Variants in RIMBP2 observed in about 807,000 individuals in gnomAD.
RIMBP2 encodes RIMS binding protein 2.
Under a neutral mutation model 118.6 loss-of-function variants are expected in RIMBP2, and 48 were observed. The ratio of observed to expected loss-of-function variants is 0.40; its 90% CI spans 0.32 to 0.51. The LOEUF is 0.51. RIMBP2 is among the 20% of genes least tolerant of loss of function. The probability of loss-of-function intolerance (pLI) is 0.41; values close to 1 mark genes in which losing one functional copy is unlikely to be tolerated. For missense variants in RIMBP2, 1,551 were observed against 1,768.3 expected, an observed-to-expected ratio of 0.88 and a Z score of 2.20; for synonymous variants, 762 against 742.9, an observed-to-expected ratio of 1.03 and a Z score of -0.42.
chr12:130,438,581 G>A, intron 11 of RIMBP2, 65 bp from the exon 12 acceptor site: 1 of 1,413,222 alleles, frequency 7.1e-7, no homozygotes, highest in Non-Finnish European at 9.5e-7. Context: ...GCCGTGACTG[G>A]GCTCTGCCCA....
chr12:130,563,267 A>G (rs906557165), intron 2 of RIMBP2, among the ~76,000 whole-genome samples: 2 of 152,160 alleles, frequency 1.3e-5, no homozygotes, highest in African/African-American at 4.8e-5. Flanking sequence ...GACACTTGAA[A>G]CGCGTTCTTA....
In RIMBP2 at chr12:130,648,658, CTT is replaced by C. The variant is rs575247641; in HGVS notation, c.-351-20204_-351-20203del. On this transcript the variant is annotated intron_variant, in intron 1 of 22. Coordinates refer to ENST00000690449, the MANE Select transcript of RIMBP2 (RefSeq NM_001393629.1). The stretch of plus-strand genomic sequence containing the variant: ...GTTAAAAACTATCTAAAATTAGTAT[CTT>C]TTTTTTTTTTTTTGAGACGGAGTTT... Among the ~76,000 whole-genome samples the C allele has an allele frequency of 4.3e-4, 57 of 132,508 alleles. 4 individuals carry two copies. Among genetic ancestry groups the C allele is most frequent in the African/African-American group, 9.8e-4 (37 of 37,714 alleles). The allele number at this position is 132,508 out of a possible 152,430, so 86.9% of individuals were successfully genotyped here.
chr12:130,699,832 G>T lies in RIMBP2; in HGVS notation c.-352+16390C>A, dbSNP rs140591198. The stretch of plus-strand genomic sequence containing the variant: ...GAGGCAGGAGAATCACTTGAACTGG[G>T]AGGCAGAAGTTGCAGTGAGCCGAGA... On this transcript the variant is annotated intron_variant, in intron 1 of 22. Coordinates refer to ENST00000690449, the MANE Select transcript of RIMBP2 (RefSeq NM_001393629.1). 9.6e-3 allele frequency among the ~76,000 whole-genome samples: 1,427 copies of T among 148,942 alleles called. 22 individuals carry two copies. The highest frequency in any genetic ancestry group is 0.033 in the African/African-American group (1,351 of 40,636).
Position 130,456,552 on chromosome 12 carries a change from G to A in RIMBP2, c.302C>T (p.Ala101Val), listed in dbSNP as rs375970581. The A allele has an allele frequency of 2.7e-5, 43 of 1,611,242 alleles. No homozygotes were observed. Among genetic ancestry groups the A allele is most frequent in the Non-Finnish European group, 3.5e-5 (41 of 1,178,008 alleles). The change falls in exon 7 of 23, where the codon GCC (alanine) becomes GTC (valine). Residue 101 changes from alanine (A) to valine (V), a missense_variant. Physicochemically the swap from Ala to Val is moderately conservative, Grantham distance 64. Around this residue, in one of 5 missense-constraint regions of RIMBP2, gnomAD observed 239 missense variants for 256.8 expected, o/e 0.93. Transcript: ENST00000690449. ...SAVAPLDIST[A>V]PSKPFPQFMN... Reference sequence around the variant, plus strand: ...GAACTGTGGGAAAGGCTTGCTGGGGGCCGTGGAGATGTCCAGGGGGGCCAC... The same window carrying A: ...GAACTGTGGGAAAGGCTTGCTGGGGACCGTGGAGATGTCCAGGGGGGCCAC...
At chr12:130,459,645 A>C (rs1446788265) in intron 6 of RIMBP2, among the ~76,000 whole-genome samples, 1 of 152,116 alleles carries the variant, frequency 6.6e-6, no homozygotes, top group Non-Finnish European at 1.5e-5. Flanking sequence ...TGCATCTGAT[A>C]CACACCTGCC....
At chr12:130,532,156 C>T (rs1162308502) in intron 2 of RIMBP2, among the ~76,000 whole-genome samples, 7 of 148,420 alleles carry the variant, frequency 4.7e-5, no homozygotes, top group Admixed American at 3.4e-4. Flanking sequence ...TAATGAGATG[C>T]GTGTGTTTAG....
At position 130,494,637 on chromosome 12, in the gene RIMBP2, T is replaced by A. The variant is rs1197796631; in HGVS notation, c.-4+12011A>T. Among the ~76,000 whole-genome samples, 4 of 77,860 alleles carry A rather than the reference T, an allele frequency of 5.1e-5. No homozygotes were observed. The East Asian group carries it at 5.0e-3, about 97-fold the overall frequency. 51.1% of individuals were successfully genotyped at this position (77,860 alleles called of 152,430 possible). Reference sequence around the variant, plus strand: ...CTGGGCAACAGAGTGAAACCCTGTCTCAAAAAAAAAAAAAGAAAGAAAAGA... The same window carrying A: ...CTGGGCAACAGAGTGAAACCCTGTCACAAAAAAAAAAAAAGAAAGAAAAGA... On this transcript the variant is annotated intron_variant, in intron 4 of 22. Coordinates refer to ENST00000690449, the MANE Select transcript of RIMBP2 (RefSeq NM_001393629.1).
intron 1 of RIMBP2, among the ~76,000 whole-genome samples, chr12:130,712,197 C>T (rs1041715224): frequency 7.2e-5 from 11 of 152,168 alleles, no homozygotes; most frequent in Non-Finnish European, 1.2e-4. Context: ...GTTTAGACTA[C>T]GCTAAATTTA....
chr12:130,703,295 C>T lies in RIMBP2; in HGVS notation c.-352+12927G>A, dbSNP rs1312974630. 6.6e-6 allele frequency among the ~76,000 whole-genome samples: 1 copy of T among 152,176 alleles called. No homozygotes were observed. The highest frequency in any genetic ancestry group is 1.5e-5 in the Non-Finnish European group (1 of 68,026). ...AGGCGGGCTCCCCCTCCGCCCTGGA[C>T]ATTTTCAGTTTCCTGCACTTATTAT... On this transcript the variant is annotated intron_variant, in intron 1 of 22. Coordinates refer to ENST00000690449, the MANE Select transcript of RIMBP2 (RefSeq NM_001393629.1). This position sits in a 1 kb window ranked among gnomAD's most constrained non-coding sequence, Gnocchi z 5.7.
chr12:130,514,735 C>T (rs1259929298), intron 3 of RIMBP2, among the ~76,000 whole-genome samples: 1 of 152,126 alleles, frequency 6.6e-6, no homozygotes, highest in Non-Finnish European at 1.5e-5. Context: ...TACTCCTGTC[C>T]TAAGAAAGTC....
chr12:130,698,554 A>G (rs2065683811), intron 1 of RIMBP2, among the ~76,000 whole-genome samples: 1 of 152,210 alleles, frequency 6.6e-6, no homozygotes, highest in African/African-American at 2.4e-5. Context: ...TCAGCAGTTC[A>G]AGACCAGCCT....
intron 1 of RIMBP2, among the ~76,000 whole-genome samples, chr12:130,708,594 G>A (rs1378865926): frequency 4.6e-5 from 7 of 152,074 alleles, no homozygotes; most frequent in Non-Finnish European, 7.4e-5. Context: ...TGCTGAGGTG[G>A]GAGGATCACC....
At chr12:130,641,232 C>T (rs866134006) in intron 1 of RIMBP2, among the ~76,000 whole-genome samples, 4 of 152,290 alleles carry the variant, frequency 2.6e-5, no homozygotes, top group Middle Eastern at 3.4e-3. Flanking sequence ...AAAGCTAAAT[C>T]GTGAGCCCTG....
chr12:130,553,718 C>A (rs1176727391), intron 2 of RIMBP2, among the ~76,000 whole-genome samples: 1 of 152,056 alleles, frequency 6.6e-6, no homozygotes, highest in African/African-American at 2.4e-5. Context: ...CACTCCAGCC[C>A]GGACAACTGA....
intron 2 of RIMBP2, among the ~76,000 whole-genome samples, chr12:130,573,393 C>CGT (rs145775625): frequency 0.56 from 84,026 of 151,142 alleles, 23,931 homozygotes; most frequent in Middle Eastern, 0.69. Context: ...AGTGTTCGCG[C>CGT]GTGTGTGTGC....
intron 21 of RIMBP2, among the ~76,000 whole-genome samples, chr12:130,403,569 T>G (rs1053177036): frequency 6.6e-6 from 1 of 152,226 alleles, no homozygotes; most frequent in Non-Finnish European, 1.5e-5. Context: ...TAAAAACTTT[T>G]GTGCAACTGC....
At chr12:130,495,153 T>G (rs918205501) in intron 4 of RIMBP2, among the ~76,000 whole-genome samples, 1 of 152,216 alleles carries the variant, frequency 6.6e-6, no homozygotes, top group African/African-American at 2.4e-5. Flanking sequence ...TAAGGTCATA[T>G]TCACAGATAC....
intron 2 of RIMBP2, among the ~76,000 whole-genome samples, chr12:130,532,419 A>C (rs1477815240): frequency 6.6e-6 from 1 of 150,626 alleles, no homozygotes; most frequent in Non-Finnish European, 1.5e-5. Flanking sequence ...GTCTAATGAG[A>C]TGCGTGTGTT....
intron 1 of RIMBP2, among the ~76,000 whole-genome samples, chr12:130,648,212 G>C (rs2063075534): frequency 6.9e-6 from 1 of 145,854 alleles, no homozygotes; most frequent in Non-Finnish European, 1.6e-5. Flanking sequence ...GCTGTCAAGG[G>C]AAAAGGGGAA....
Sources: gnomAD v4.1 joint callset for allele counts (sites outside exome capture counted in the v4.1 genomes callset) on GRCh38, gnomAD v4.1.1 for gene constraint, gnomAD v4.1.1 regional missense constraint, Gnocchi (gnomAD v3.1) non-coding constraint, MANE v1.5 for transcripts, NCBI Gene and HGNC (gene_info 2026-07-23, HGNC 2026-07-21) for gene names.